ASPH: variants seen among roughly 807,000 people sequenced by gnomAD.
ASPH encodes aspartyl/asparaginyl beta-hydroxylase.
In ASPH, 100 loss-of-function variants were observed where a neutral mutation model predicts 118.4. That is an observed-to-expected ratio of 0.84 (90% CI 0.72 to 1.00). ASPH has a LOEUF of 1.00. ASPH is among the 50% of genes least tolerant of loss of function. The pLI, the probability that ASPH is intolerant of heterozygous loss-of-function variation, is 0.00. For missense variants in ASPH, 920 were observed against 919.5 expected (o/e 1.00, Z -0.01); for synonymous variants, 315 against 325.6 (o/e 0.97, Z 0.35).
intron 1 of ASPH, 131 bp downstream of exon 1, chr8:61,714,138 G>C (rs979862523): frequency 1.6e-6 from 2 of 1,253,912 alleles, no homozygotes; most frequent in Non-Finnish European, 2.0e-6. Context: ...CGCGCCTAAA[G>C]GAGGAGCGTC....
intron 10 of ASPH, among the ~76,000 whole-genome samples, chr8:61,642,407 C>A (rs1413918743): frequency 6.6e-6 from 1 of 152,228 alleles, no homozygotes; most frequent in African/African-American, 2.4e-5. Context: ...TAGGCAATGG[C>A]AGAAGCCGTG....
chr8:61,657,545 A>C (rs1330573825), intron 3 of ASPH: 3 of 152,208 alleles, frequency 2.0e-5, no homozygotes, highest in African/African-American at 4.8e-5. Context: ...TAAATATGAC[A>C]CTATGATCTT....
chr8:61,618,917 T>A (rs1026321687), intron 14 of ASPH, 61 bp downstream of exon 14: 3 of 1,419,082 alleles, frequency 2.1e-6, no homozygotes, highest in Non-Finnish European at 3.0e-6. Context: ...GGATGGAACA[T>A]AAAATCATGT....
chr8:61,690,162 T>C (rs1429466141), intron 1 of ASPH, among the ~76,000 whole-genome samples: 1 of 152,204 alleles, frequency 6.6e-6, no homozygotes, highest in Non-Finnish European at 1.5e-5. Flanking sequence ...CCAGAAACAG[T>C]TTGATTTGGC....
Position 61,584,031 on chromosome 8 carries a change from T to C in ASPH, c.977-2A>G. On this transcript the variant is annotated splice_acceptor_variant, in intron 14 of 24. Transcript: ENST00000379454. LOFTEE classifies it high-confidence loss of function. ...AAAGTTTAGGCTTCTTTTTCTTAAC[T>C]GAAAGAAAAAAGAGATTTTTATTTT... is the stretch of plus-strand genomic sequence containing the variant. 6.8e-7 allele frequency: 1 copy of C among 1,479,686 alleles called. No homozygotes were observed. Among genetic ancestry groups the C allele is most frequent in the Non-Finnish European group, 9.2e-7 (1 of 1,081,788 alleles). 91.7% of individuals were successfully genotyped at this position (1,479,686 alleles called of 1,614,324 possible).
chr8:61,515,043 AAGGG>A (rs1284374543), intron 24 of ASPH, among the ~76,000 whole-genome samples: 3 of 144,964 alleles, frequency 2.1e-5, no homozygotes, highest in East Asian at 4.4e-4. Context: ...GGAAGGAAAG[AAGGG>A]AGGGAGGGAG....
chr8:61,597,856 C>G (rs1842889532), intron 14 of ASPH, among the ~76,000 whole-genome samples: 1 of 152,150 alleles, frequency 6.6e-6, no homozygotes. Context: ...CACCACTAAG[C>G]CAGCCCTACA....
At chr8:61,544,078 TG>T (rs1240633504) in intron 21 of ASPH, among the ~76,000 whole-genome samples, 1 of 152,224 alleles carries the variant, frequency 6.6e-6, no homozygotes, top group African/African-American at 2.4e-5. Flanking sequence ...AAATGTGATG[TG>T]GCCCCACTAG....
In ASPH at chr8:61,533,081, T is replaced by C. The variant is rs75220550; in HGVS notation, c.1765-6969A>G. Among the ~76,000 whole-genome samples the C allele has an allele frequency of 5.1e-3, 769 of 152,154 alleles. 6 individuals carry two copies. The highest frequency in any genetic ancestry group is 0.018 in the African/African-American group (733 of 41,516). On this transcript the variant is annotated intron_variant, in intron 21 of 24. Transcript: ENST00000379454. Reference sequence around the variant, plus strand: ...TCTATTCTGAACTATCTTCTAATATTATTCATTTCTTCATTTCTTCTTCTT... The same window carrying C: ...TCTATTCTGAACTATCTTCTAATATCATTCATTTCTTCATTTCTTCTTCTT...
At chr8:61,658,113 G>A (rs1168383339) in intron 3 of ASPH, 4 of 152,138 alleles carry the variant, frequency 2.6e-5, no homozygotes, top group Non-Finnish European at 5.9e-5. Flanking sequence ...CACCAGAAAG[G>A]CATGCATACT....
chr8:61,658,893 A>T (rs1815235608), intron 3 of ASPH: 1 of 152,244 alleles, frequency 6.6e-6, no homozygotes, highest in South Asian at 2.1e-4. Flanking sequence ...CAAACAATGA[A>T]TGCCTATTAG....
intron 16 of ASPH, among the ~76,000 whole-genome samples, chr8:61,571,514 A>G (rs1356349574): frequency 6.6e-6 from 1 of 152,176 alleles, no homozygotes; most frequent in Admixed American, 6.5e-5. Flanking sequence ...CTTCTATGTA[A>G]ATAGTTGTTA....
At chr8:61,506,543 G>A (rs1806651487) in intron 24 of ASPH, among the ~76,000 whole-genome samples, 1 of 152,126 alleles carries the variant, frequency 6.6e-6, no homozygotes, top group African/African-American at 2.4e-5. Flanking sequence ...ATGTGGTAGA[G>A]GAGAAAGAAA....
At chr8:61,681,176 G>A (rs1424575677) in intron 2 of ASPH, 140 bp from the exon 3 acceptor site, 4 of 585,752 alleles carry the variant, frequency 6.8e-6, no homozygotes, top group Non-Finnish European at 1.1e-5. Flanking sequence ...ATCCTGCAAA[G>A]CAGTGTCAAA....
chr8:61,537,562 A>G (rs1201856450), intron 21 of ASPH, among the ~76,000 whole-genome samples: 1 of 152,040 alleles, frequency 6.6e-6, no homozygotes, highest in Admixed American at 6.6e-5. Flanking sequence ...ATTATTTTGT[A>G]GCAACAGGTC....
Position 61,667,958 on chromosome 8 carries a change from TATAAC to T in ASPH, c.322+13005_322+13009del, listed in dbSNP as rs200265839. The stretch of plus-strand genomic sequence containing the variant: ...AATTTAATATATACATCATAACAAA[TATAAC>T]ATATTTGTATAATATATACATTCTT... On this transcript the variant is annotated intron_variant, in intron 3 of 24. Transcript: ENST00000379454. Among the ~76,000 whole-genome samples the T allele has an allele frequency of 5.4e-3, 822 of 152,270 alleles. 19 individuals are homozygous for T. The East Asian group carries it at 0.085, about 16-fold the overall frequency.
Position 61,651,059 on chromosome 8 carries a change from C to T in ASPH, c.481G>A (p.Ala161Thr), listed in dbSNP as rs77752382. ...IQSLLHEMVH[A>T]EHVEGEDLQQ... is the part of the protein sequence containing the mutation. The stretch of plus-strand genomic sequence containing the variant: ...AGATTTTAATTCATACCATGTTCTG[C>T]GTGTACCATTTCATGGAGAAGGGAC... Residue 161 changes from alanine to threonine, a missense_variant, in exon 5 of 25, where the codon GCA becomes ACA. Ala to Thr is a moderately conservative substitution (Grantham distance 58, BLOSUM62 0). Coordinates refer to ENST00000379454, the MANE Select transcript of ASPH (RefSeq NM_004318.4). The T allele has an allele frequency of 2.1e-4, 333 of 1,612,650 alleles. No individual in the cohort carries two copies. The African/African-American group carries it at 3.6e-3, about 17-fold the overall frequency.
chr8:61,617,880 C>A (rs1849559756), intron 14 of ASPH, among the ~76,000 whole-genome samples: 2 of 148,526 alleles, frequency 1.3e-5, no homozygotes, highest in African/African-American at 5.0e-5. Context: ...TTGCAGTGAG[C>A]CGAGATCATG....
At chr8:61,622,478 G>T (rs953172545) in intron 13 of ASPH, among the ~76,000 whole-genome samples, 8 of 152,178 alleles carry the variant, frequency 5.3e-5, no homozygotes, top group African/African-American at 1.9e-4. Context: ...TCATCCCTCT[G>T]AGTGCATTAC....
Sources: gnomAD v4.1 joint callset for allele counts (sites outside exome capture counted in the v4.1 genomes callset) on GRCh38, gnomAD v4.1.1 for gene constraint, MANE v1.5 for transcripts, NCBI Gene and HGNC (gene_info 2026-07-23, HGNC 2026-07-21) for gene names.